The following TRHDE variants were observed in gnomAD, a reference collection of about 807,000 sequenced individuals.
TRHDE encodes the protein thyrotropin releasing hormone degrading enzyme.
Under a neutral mutation model 125.7 loss-of-function variants are expected in TRHDE, and 72 were observed. The observed-to-expected ratio is 0.57, with a 90% confidence interval of 0.47 to 0.70. The LOEUF (loss-of-function observed/expected upper bound fraction) is 0.70, where lower values mean the gene tolerates loss of function less well. TRHDE is among the 30% of genes least tolerant of loss of function. The pLI is 0.00. For missense variants in TRHDE, 1,110 were observed against 1,327.1 expected (o/e 0.84, Z 2.54); for synonymous variants, 509 against 509.1 (o/e 1.00, Z 0.00).
chr12:72,095,462 G>C (rs682972), intron 1 of TRHDE, among the ~76,000 whole-genome samples: 1 of 152,136 alleles, frequency 6.6e-6, no homozygotes, highest in Admixed American at 6.5e-5. Flanking sequence ...AGGTACCATA[G>C]AGGTCACTAG....
chr12:72,515,902 C>T (rs1161765272), intron 6 of TRHDE, among the ~76,000 whole-genome samples: 1 of 143,700 alleles, frequency 7.0e-6, no homozygotes, highest in Admixed American at 6.9e-5. Flanking sequence ...ATAGGGAATC[C>T]TTTCCCCATT....
chr12:72,654,771 AT>A (rs1215493496), intron 17 of TRHDE, among the ~76,000 whole-genome samples: 1 of 152,184 alleles, frequency 6.6e-6, no homozygotes, highest in East Asian at 1.9e-4. Context: ...AGTTTGTTGA[AT>A]TATTCCTCTC....
At chr12:72,648,139 C>T (rs575010855) in intron 15 of TRHDE, among the ~76,000 whole-genome samples, 46 of 151,936 alleles carry the variant, frequency 3.0e-4, no homozygotes, top group African/African-American at 8.7e-4. Flanking sequence ...TTAGAATAAA[C>T]GATAAAAATC....
chr12:72,114,583 G>A (rs1201407148), intron 2 of TRHDE, among the ~76,000 whole-genome samples: 1 of 152,094 alleles, frequency 6.6e-6, no homozygotes, highest in Non-Finnish European at 1.5e-5. Context: ...GGAGGAGAAG[G>A]AAGAAGAGGG....
At chr12:72,643,083 T>C (rs891014606) in intron 15 of TRHDE, among the ~76,000 whole-genome samples, 1 of 152,174 alleles carries the variant, frequency 6.6e-6, no homozygotes, top group Non-Finnish European at 1.5e-5. Flanking sequence ...TGAGTAAAAA[T>C]GATCTTGTGA....
At chr12:72,409,748 G>C (rs1259265787) in intron 3 of TRHDE, among the ~76,000 whole-genome samples, 1 of 152,042 alleles carries the variant, frequency 6.6e-6, no homozygotes, top group Non-Finnish European at 1.5e-5. Context: ...GGGGAAGTCT[G>C]GAAAGCAAAC....
chr12:72,448,408 A>G (rs1299044406), intron 3 of TRHDE, among the ~76,000 whole-genome samples: 1 of 152,102 alleles, frequency 6.6e-6, no homozygotes, highest in African/African-American at 2.4e-5. Flanking sequence ...AAACAAATTT[A>G]CTTCAACTGA....
At position 72,420,424 on chromosome 12, in the gene TRHDE, T is replaced by A. The variant is rs184423711; in HGVS notation, c.1315+42303T>A. 3.9e-3 allele frequency among the ~76,000 whole-genome samples: 601 copies of A among 152,246 alleles called. 6 individuals carry two copies. Among genetic ancestry groups the A allele is most frequent in the African/African-American group, 0.014 (584 of 41,546 alleles). ...GTCTGGAAGGTGCAAACTATTTACA[T>A]AAGCAACTATAAAGGACTTAGGACC... On this transcript the variant is annotated intron_variant, in intron 3 of 18. Coordinates refer to ENST00000261180, the MANE Select transcript of TRHDE (RefSeq NM_013381.3).
At chr12:72,538,904 T>A (rs2135983974) in intron 6 of TRHDE, among the ~76,000 whole-genome samples, 1 of 151,844 alleles carries the variant, frequency 6.6e-6, no homozygotes, top group South Asian at 2.1e-4. Context: ...TCCTTATCCC[T>A]GGTATTCAAA....
chr12:72,385,589 G>T (rs2135785141), intron 3 of TRHDE, among the ~76,000 whole-genome samples: 1 of 152,040 alleles, frequency 6.6e-6, no homozygotes, highest in African/African-American at 2.4e-5. Flanking sequence ...ACAACCACTT[G>T]TGCTAAAACA....
intron 3 of TRHDE, chr12:72,431,640 A>G (rs1323018578): frequency 7.1e-6 from 1 of 141,250 alleles, no homozygotes; most frequent in Non-Finnish European, 1.5e-5. Context: ...CAGGAAGAAG[A>G]GGTTTTTTTT....
At chr12:72,269,444 T>C (rs537271028), upstream of TRHDE, among the ~76,000 whole-genome samples, 6 of 152,324 alleles carry the variant, frequency 3.9e-5, no homozygotes, top group East Asian at 1.2e-3. Context: ...TAATCACAGT[T>C]AGTAGAGACT....
intron 1 of TRHDE, among the ~76,000 whole-genome samples, chr12:72,276,291 T>A (rs1879485343): frequency 6.6e-6 from 1 of 152,212 alleles, no homozygotes; most frequent in South Asian, 2.1e-4. Context: ...ACATTTTGGT[T>A]TTTAGTTAGA....
intron 2 of TRHDE, among the ~76,000 whole-genome samples, chr12:72,253,036 G>T (rs377555020): frequency 7.2e-5 from 11 of 152,018 alleles, no homozygotes; most frequent in Non-Finnish European, 1.6e-4. Context: ...TGTATGGCAG[G>T]TCCTGAAATA....
intron 2 of TRHDE, among the ~76,000 whole-genome samples, chr12:72,232,455 G>A (rs1878265229): frequency 6.6e-6 from 1 of 152,064 alleles, no homozygotes; most frequent in Admixed American, 6.6e-5. Context: ...GTGTAAAAGT[G>A]GACTCCAGGG....
chr12:72,175,085 C>T (rs1876958569), intron 2 of TRHDE, among the ~76,000 whole-genome samples: 1 of 152,172 alleles, frequency 6.6e-6, no homozygotes, highest in African/African-American at 2.4e-5. Flanking sequence ...TATTGTACAG[C>T]AGTCCTCTAG....
At chr12:72,164,074 C>T (rs1045227077) in intron 2 of TRHDE, among the ~76,000 whole-genome samples, 1 of 152,188 alleles carries the variant, frequency 6.6e-6, no homozygotes, top group African/African-American at 2.4e-5. Flanking sequence ...TCCGCCACTG[C>T]ACTCCATCCT....
intron 2 of TRHDE, chr12:72,147,499 C>G (rs1414453996): frequency 6.6e-6 from 1 of 152,130 alleles, no homozygotes; most frequent in Non-Finnish European, 1.5e-5. Context: ...ATAATGTAAT[C>G]TTATCTTCAA....
chr12:72,181,113 G>T (rs943143295), intron 2 of TRHDE, among the ~76,000 whole-genome samples: 4 of 152,112 alleles, frequency 2.6e-5, no homozygotes, highest in African/African-American at 9.7e-5. Context: ...GGCACCATTG[G>T]TTTTGTTATA....
Sources: gnomAD v4.1 joint callset for allele counts (sites outside exome capture counted in the v4.1 genomes callset) on GRCh38, gnomAD v4.1.1 for gene constraint, MANE v1.5 for transcripts, NCBI Gene and HGNC (gene_info 2026-07-23, HGNC 2026-07-21) for gene names.